Variants in IQGAP3 observed in about 807,000 individuals in gnomAD.
IQGAP3 encodes ras GTPase-activating-like protein IQGAP3.
In IQGAP3, 165 loss-of-function variants were observed where a neutral mutation model predicts 208.2. The observed-to-expected ratio is 0.79, with a 90% CI of 0.70 to 0.90. IQGAP3 has a LOEUF of 0.90. Among genes scored for constraint, IQGAP3 ranks in the 40% least tolerant of loss-of-function variants. IQGAP3 has a pLI of 0.00. For missense variants in IQGAP3, 1,811 were observed against 2,043.1 expected (o/e 0.89, Z 2.19); for synonymous variants, 703 against 803.6 (o/e 0.87, Z 2.12).
At position 156,533,106 on chromosome 1, in the gene IQGAP3, C is replaced by G. The variant is rs766156848; in HGVS notation, c.3977G>C (p.Gly1326Ala). Residue 1326 changes from glycine (G) to alanine (A), a missense_variant and splice_region_variant, in exon 32 of 38, where the codon GGT becomes GCT. Physicochemically the swap from Gly to Ala is moderately conservative, Grantham distance 60. Transcript: ENST00000361170. ...GTGCCCATCTGCAGCGATGCTCTCA[C>G]CTGAGGTGTGGTGAGGAATGAGAGG... is the stretch of plus-strand genomic sequence containing the variant. ...GELPTIPDLI[G>A]ESIAADGHTD... The G allele has an allele frequency of 6.6e-5, 106 of 1,613,802 alleles. No homozygotes were observed. Among genetic ancestry groups the G allele is most frequent in the Non-Finnish European group, 8.2e-5 (97 of 1,179,892 alleles).
intron 15 of IQGAP3, 68 bp downstream of exon 15, chr1:156,551,637 G>T: frequency 1.3e-6 from 2 of 1,482,332 alleles, no homozygotes; most frequent in Non-Finnish European, 1.8e-6. Context: ...TGCCAGACTG[G>T]GTACAGTGCA....
chr1:156,563,026 A>G, intron 8 of IQGAP3, 108 bp downstream of exon 8: 2 of 934,014 alleles, frequency 2.1e-6, no homozygotes, highest in Non-Finnish European at 3.3e-6. Context: ...GGTTTCTCTA[A>G]GAAGCAATTT....
chr1:156,543,697 A>C (rs1675093826), intron 22 of IQGAP3, among the ~76,000 whole-genome samples: 4 of 152,224 alleles, frequency 2.6e-5, no homozygotes, highest in Admixed American at 1.3e-4. Context: ...CTAAGAAAAG[A>C]AGCAAGATCC....
In IQGAP3 at chr1:156,544,233, G is replaced by A. The variant is rs772413373; in HGVS notation, c.2389-10C>T. 2.5e-6 allele frequency: 4 copies of A among 1,614,014 alleles called. No individual in the cohort carries two copies. The Admixed American group carries it at 6.7e-5, about 27-fold the overall frequency. On this transcript the variant is annotated splice_polypyrimidine_tract_variant and intron_variant, in intron 20 of 37. Coordinates refer to ENST00000361170, the MANE Select transcript of IQGAP3 (RefSeq NM_178229.5). ...GGGCCCAGGCCTGGATCTGGGAGAA[G>A]AAACACACTGCCTCAGCTCCAGCTT...
intron 1 of IQGAP3, among the ~76,000 whole-genome samples, chr1:156,570,602 A>C (rs1018225214): frequency 6.6e-6 from 1 of 152,206 alleles, no homozygotes; most frequent in African/African-American, 2.4e-5. Flanking sequence ...TCCTGGGCTC[A>C]GGTGATCTTC....
chr1:156,563,603 C>T lies in IQGAP3; in HGVS notation c.569G>A (p.Ser190Asn). 1 of 1,613,756 alleles carries T rather than the reference C, an allele frequency of 6.2e-7. No homozygotes were observed. The part of the protein sequence containing the change: ...AKYGLQLPAF[S>N]KIGGILANEL... ...ATTGGCCAAGATGCCCCCGATCTTG[C>T]TGAAGGCAGGCAGCTGGAGGCCATA... The change falls in exon 7 of 38, where the codon AGC becomes AAC. Residue 190 changes from serine (S) to asparagine (N), a missense_variant. Transcript: ENST00000361170.
Position 156,543,988 on chromosome 1 carries a change from C to T in IQGAP3, c.2523G>A (p.Arg841=). ...FRARKAQDDY[R]ILVHAPHPPL... Reference sequence around the variant, plus strand: ...GTGGATCAGGCAGCTCACCTAATATCCTGTAGTCATCTTGGGCTTTCCTGG... The same window carrying T: ...GTGGATCAGGCAGCTCACCTAATATTCTGTAGTCATCTTGGGCTTTCCTGG... Residue 841 remains arginine (R), a synonymous_variant, in exon 22 of 38, where the codon AGG becomes AGA. Transcript: ENST00000361170. 1 of 1,614,144 alleles carries T rather than the reference C, an allele frequency of 6.2e-7. No individual in the cohort carries two copies. The highest frequency in any genetic ancestry group is 8.5e-7 in the Non-Finnish European group (1 of 1,179,978).
chr1:156,552,370 A>T (rs1447225683), intron 13 of IQGAP3, among the ~76,000 whole-genome samples: 1 of 152,022 alleles, frequency 6.6e-6, no homozygotes, highest in Non-Finnish European at 1.5e-5. Flanking sequence ...CTTTAACACC[A>T]TATGCTCCCG....
At chr1:156,529,568 T>C (rs1462025836) in intron 34 of IQGAP3, among the ~76,000 whole-genome samples, 4 of 152,022 alleles carry the variant, frequency 2.6e-5, no homozygotes, top group Non-Finnish European at 5.9e-5. Context: ...GCAGATTACT[T>C]GAGGTCAGGA....
At chr1:156,540,647 C>T in intron 23 of IQGAP3, 61 bp downstream of exon 23, 3 of 1,440,604 alleles carry the variant, frequency 2.1e-6, no homozygotes, top group Non-Finnish European at 2.9e-6. Context: ...AGAGAATGGT[C>T]AGCATCACAT....
At chr1:156,550,401 T>C (rs780986270) in intron 15 of IQGAP3, 50 bp from the exon 16 acceptor site, 2 of 1,453,468 alleles carry the variant, frequency 1.4e-6, no homozygotes, top group South Asian at 2.3e-5. Context: ...CTAGTCTCTC[T>C]AGGTTCCCAG....
rs1244218925 is a variant in IQGAP3, at chr1:156,534,588, T to A, written c.3653A>T (p.His1218Leu). 1.2e-6 allele frequency: 2 copies of A among 1,612,482 alleles called. No individual in the cohort carries two copies. The highest frequency in any genetic ancestry group is 2.7e-5 in the African/African-American group (2 of 74,844). The change falls in exon 29 of 38, where the codon CAC (histidine) becomes CTC (leucine). Residue 1218 changes from histidine (H) to leucine (L), a missense_variant. Coordinates refer to ENST00000361170, the MANE Select transcript of IQGAP3 (RefSeq NM_178229.5). ...AGAGAAGGCCTTGCCAGCCGCAGCG[T>A]GCTGTAGGAGCTGAGCCACAGCCCC... ...ALGAVAQLLQ[H>L]AAAGKAFSGQ...
intron 27 of IQGAP3, chr1:156,536,962 C>A: frequency 2.4e-6 from 1 of 423,370 alleles, no homozygotes; most frequent in Non-Finnish European, 4.2e-6. Context: ...TGACATCCTA[C>A]CAGGCCACAC....
intron 16 of IQGAP3, among the ~76,000 whole-genome samples, chr1:156,549,096 A>C (rs1675415690): frequency 6.6e-6 from 1 of 151,908 alleles, no homozygotes. Flanking sequence ...AGGCTGAGGC[A>C]GGCAGATCAC....
intron 4 of IQGAP3, among the ~76,000 whole-genome samples, chr1:156,565,750 G>A (rs183681841): frequency 3.9e-5 from 6 of 152,274 alleles, no homozygotes; most frequent in African/African-American, 9.6e-5. Flanking sequence ...TGGCCAATAC[G>A]AGCATGACAT....
At chr1:156,528,817 G>T in intron 35 of IQGAP3, 99 bp downstream of exon 35, 2 of 1,405,672 alleles carry the variant, frequency 1.4e-6, no homozygotes, top group Non-Finnish European at 2.0e-6. Context: ...TGCTGGGTGA[G>T]ATTCCCCTTT....
intron 8 of IQGAP3, 112 bp downstream of exon 8, chr1:156,563,022 T>C: frequency 1.1e-6 from 1 of 898,574 alleles, no homozygotes; most frequent in Non-Finnish European, 1.7e-6. Flanking sequence ...TTATGGTTTC[T>C]CTAAGAAGCA....
intron 1 of IQGAP3, among the ~76,000 whole-genome samples, chr1:156,571,277 C>T (rs866097509): frequency 4.6e-5 from 7 of 152,288 alleles, no homozygotes; most frequent in South Asian, 2.1e-4. Context: ...GAGAAAGCTA[C>T]ACACACAGTA....
Position 156,561,841 on chromosome 1 carries a change from T to C in IQGAP3, c.1038A>G (p.Ala346=), listed in dbSNP as rs1264607369. 3 of 1,613,894 alleles carry C rather than the reference T, an allele frequency of 1.9e-6. No individual in the cohort carries two copies. The highest frequency in any genetic ancestry group is 1.7e-6 in the Non-Finnish European group (2 of 1,179,930). Residue 346 remains alanine, a synonymous_variant, in exon 10 of 38, where the codon GCA becomes GCG. Coordinates refer to ENST00000361170, the MANE Select transcript of IQGAP3 (RefSeq NM_178229.5). The stretch of plus-strand genomic sequence containing the variant: ...CAGGTAATAGACAGAGGCTAACCTG[T>C]GCCTTCTGCTCTCTGTCTGAGTTCA... ...EQLNSDREQK[A]QELGLVELLE...
Sources: gnomAD v4.1 joint callset for allele counts (sites outside exome capture counted in the v4.1 genomes callset) on GRCh38, gnomAD v4.1.1 for gene constraint, MANE v1.5 for transcripts, NCBI Gene and HGNC (gene_info 2026-07-23, HGNC 2026-07-21) for gene names.